Variants in CPS1 observed in about 807,000 individuals in gnomAD.
The protein encoded by CPS1 is carbamoyl-phosphate synthase [ammonia], mitochondrial.
CPS1 carries 109 observed loss-of-function variants against 174.6 expected under a neutral mutation model. The ratio of observed to expected loss-of-function variants is 0.62; its 90% CI spans 0.53 to 0.73. The LOEUF (loss-of-function observed/expected upper bound fraction) is 0.73. Among genes scored for constraint, CPS1 ranks in the 30% least tolerant of loss-of-function variants. CPS1 has a pLI of 0.00. For synonymous variants in CPS1, 637 were observed against 632.0 expected, an observed-to-expected ratio of 1.01 and a Z score of -0.12; for missense variants, 1,689 against 1,821.9, an observed-to-expected ratio of 0.93 and a Z score of 1.33.
intron 1 of CPS1, among the ~76,000 whole-genome samples, chr2:210,511,817 T>C (rs1230751148): frequency 1.3e-5 from 2 of 152,116 alleles, no homozygotes; most frequent in Non-Finnish European, 2.9e-5. Context: ...TGAAATATTT[T>C]ACAATTGCAG....
chr2:210,524,136 A>G (rs1169768366), intron 1 of CPS1, among the ~76,000 whole-genome samples: 1 of 151,974 alleles, frequency 6.6e-6, no homozygotes, highest in Non-Finnish European at 1.5e-5. Flanking sequence ...TCCTTCTAAC[A>G]TGTACTATGC....
At chr2:210,497,893 C>CATACATATATATATATAT (rs373767668) in intron 1 of CPS1, among the ~76,000 whole-genome samples, 8 of 86,936 alleles carry the variant, frequency 9.2e-5, no homozygotes, top group South Asian at 4.8e-4. Context: ...TATATACATA[C>CATACATATATATATATAT]ATATATATAT....
At chr2:210,662,284 C>T (rs1360835267) in intron 32 of CPS1, among the ~76,000 whole-genome samples, 2 of 151,972 alleles carry the variant, frequency 1.3e-5, no homozygotes, top group Non-Finnish European at 2.9e-5. Flanking sequence ...TTTCAAATTA[C>T]TTAGTAATTG....
chr2:210,511,349 G>A (rs1695486397), intron 1 of CPS1, among the ~76,000 whole-genome samples: 1 of 152,052 alleles, frequency 6.6e-6, no homozygotes, highest in African/African-American at 2.4e-5. Flanking sequence ...CATGGACACA[G>A]GAAGGGGAAC....
chr2:210,517,563 G>T (rs1695714800), intron 1 of CPS1, among the ~76,000 whole-genome samples: 1 of 151,960 alleles, frequency 6.6e-6, no homozygotes, highest in Non-Finnish European at 1.5e-5. Flanking sequence ...AGCAGTGACT[G>T]CCTGAAAGGA....
Position 210,591,878 on chromosome 2 carries a change from T to C in CPS1, c.995T>C (p.Ile332Thr). 6.2e-7 allele frequency: 1 copy of C among 1,612,632 alleles called. No homozygotes were observed. Among genetic ancestry groups the C allele is most frequent in the Non-Finnish European group, 8.5e-7 (1 of 1,179,110 alleles). ...VLNITNKQAF[I>T]TAQNHGYALD... ...AATATCACAAACAAACAGGCTTTCATTACTGCTCAGAATCATGGCTATGCC... is the reference window on the plus strand; with the variant it reads ...AATATCACAAACAAACAGGCTTTCACTACTGCTCAGAATCATGGCTATGCC... The change falls in exon 10 of 38, where the codon ATT (isoleucine) becomes ACT (threonine). Residue 332 changes from isoleucine (I) to threonine (T), a missense_variant. Coordinates refer to ENST00000233072, the MANE Select transcript of CPS1 (RefSeq NM_001875.5).
intron 1 of CPS1, among the ~76,000 whole-genome samples, chr2:210,562,526 A>C (rs1286833043): frequency 2.0e-5 from 3 of 152,150 alleles, no homozygotes; most frequent in Non-Finnish European, 4.4e-5. Flanking sequence ...GATTTCATTT[A>C]CTTGATTTTA....
upstream of CPS1, chr2:210,555,570 C>T: frequency 2.2e-6 from 1 of 451,458 alleles, no homozygotes. Flanking sequence ...ATCCTTACCC[C>T]AACTCTAGCA....
chr2:210,612,159 G>A lies in CPS1; in HGVS notation c.2434G>A (p.Ala812Thr). 1 of 1,612,176 alleles carries A rather than the reference G, an allele frequency of 6.2e-7. No homozygotes were observed. The change falls in exon 20 of 38, where the codon GCT (alanine) becomes ACT (threonine). Residue 812 changes from alanine to threonine, a missense_variant. Coordinates refer to ENST00000233072, the MANE Select transcript of CPS1 (RefSeq NM_001875.5). Reference protein sequence around the residue: ...GRTFEESFQKALRMCHPSIEG... With the variant: ...GRTFEESFQKTLRMCHPSIEG... Reference sequence around the variant, plus strand: ...TACCTTTGAGGAGAGTTTCCAGAAAGCTTTACGGATGTGCCACCCATCTAT... The same window carrying A: ...TACCTTTGAGGAGAGTTTCCAGAAAACTTTACGGATGTGCCACCCATCTAT...
chr2:210,642,398 A>G, intron 24 of CPS1, 86 bp from the exon 25 acceptor site: 1 of 1,485,026 alleles, frequency 6.7e-7, no homozygotes, highest in Non-Finnish European at 9.4e-7. Context: ...CTTAGCCTGG[A>G]CTGACTGGTG....
At chr2:210,544,678 C>A (rs930042811) in intron 1 of CPS1, among the ~76,000 whole-genome samples, 2 of 152,020 alleles carry the variant, frequency 1.3e-5, no homozygotes, top group African/African-American at 4.8e-5. Context: ...TATTCCTTGA[C>A]AATCTTTTTC....
intron 1 of CPS1, among the ~76,000 whole-genome samples, chr2:210,478,723 T>G (rs1179031690): frequency 6.6e-6 from 1 of 152,208 alleles, no homozygotes; most frequent in Admixed American, 6.5e-5. Flanking sequence ...CCACATTTTA[T>G]TTTATTAGCT....
rs149350829 is a variant in CPS1, at chr2:210,480,761, A to G, written c.3+2995A>G. On this transcript the variant is annotated intron_variant, in intron 1 of 38. Coordinates refer to the CPS1 transcript ENST00000430249. ...ACTTGTCTCTTTTTTTGTTGTTGAC[A>G]TTACCTTATTTTCTTTTTAGCTCAA... Among the ~76,000 whole-genome samples the G allele has an allele frequency of 3.5e-3, 539 of 152,214 alleles. 1 individual carries two copies. The highest frequency in any genetic ancestry group is 0.014 in the Middle Eastern group (4 of 294).
At chr2:210,674,813 G>A (rs151259645) in intron 34 of CPS1, 89 bp from the exon 35 acceptor site, 1 of 1,051,930 alleles carries the variant, frequency 9.5e-7, no homozygotes, top group Non-Finnish European at 1.5e-6. Context: ...ATGTAACATT[G>A]TCTTTTAAGA....
At chr2:210,634,768 G>C (rs574931885) in intron 21 of CPS1, among the ~76,000 whole-genome samples, 3 of 152,256 alleles carry the variant, frequency 2.0e-5, no homozygotes, top group African/African-American at 7.2e-5. Context: ...GTCTGATACA[G>C]AGCACGTACT....
At chr2:210,568,333 C>T (rs867918349) in intron 1 of CPS1, among the ~76,000 whole-genome samples, 9 of 151,940 alleles carry the variant, frequency 5.9e-5, no homozygotes, top group African/African-American at 1.7e-4. Context: ...GATGAGAGGA[C>T]TTTGAATGTG....
At chr2:210,601,896 A>G (rs1405540187) in intron 15 of CPS1, among the ~76,000 whole-genome samples, 2 of 151,938 alleles carry the variant, frequency 1.3e-5, no homozygotes, top group African/African-American at 2.4e-5. Context: ...TATGGCTGCC[A>G]TTCTCAAATG....
In CPS1 at chr2:210,556,778, G is replaced by T; in HGVS notation, c.45G>T (p.Lys15Asn). The change falls in exon 1 of 38, where the codon AAG becomes AAT. Residue 15 changes from lysine (K) to asparagine (N), a missense_variant. Lys to Asn is a moderately conservative substitution (Grantham distance 94). Transcript: ENST00000233072. ...LTAFKVVRTLKTGFGFTNVTA... is the reference protein window; with the variant it reads ...LTAFKVVRTLNTGFGFTNVTA... ...CTTTCAAAGTGGTGAGGACACTGAA[G>T]ACTGGTTTTGGCTTTACCAATGTGA... 1.2e-6 allele frequency: 2 copies of T among 1,613,172 alleles called. No individual in the cohort carries two copies. Among genetic ancestry groups the T allele is most frequent in the Non-Finnish European group, 1.7e-6 (2 of 1,179,382 alleles).
At chr2:210,546,542 A>AT (rs1696570497) in intron 1 of CPS1, among the ~76,000 whole-genome samples, 1 of 152,136 alleles carries the variant, frequency 6.6e-6, no homozygotes, top group Non-Finnish European at 1.5e-5. Context: ...ATGATTTCAT[A>AT]TGGCTTTGAA....
Sources: allele counts gnomAD v4.1 joint callset (sites outside exome capture counted in the v4.1 genomes callset), GRCh38; gene constraint gnomAD v4.1.1; transcripts MANE v1.5; gene names NCBI Gene and HGNC (gene_info 2026-07-23, HGNC 2026-07-21).